The following ALDH18A1 variants were observed in gnomAD, a reference collection of about 807,000 sequenced individuals.
The protein encoded by ALDH18A1 is aldehyde dehydrogenase 18 family member A1, also known as delta-1-pyrroline-5-carboxylate synthase.
A neutral mutation model predicts 88.8 loss-of-function variants in ALDH18A1; 44 were observed. The ratio of observed to expected loss-of-function variants is 0.50; its 90% confidence interval spans 0.39 to 0.64. The LOEUF is 0.64. Among genes scored for constraint, ALDH18A1 ranks in the 30% least tolerant of loss-of-function variants. The pLI is 0.00. For missense variants in ALDH18A1, 782 were observed against 1,009.5 expected (o/e 0.77, Z 3.05); for synonymous variants, 331 against 372.1 (o/e 0.89, Z 1.27).
chr10:95,638,814 C>T (rs1421335792), intron 3 of ALDH18A1, among the ~76,000 whole-genome samples: 3 of 152,176 alleles, frequency 2.0e-5, no homozygotes, highest in Non-Finnish European at 4.4e-5. Flanking sequence ...ATGTCTGAAA[C>T]CTTTTAACTG....
intron 3 of ALDH18A1, among the ~76,000 whole-genome samples, chr10:95,641,431 T>C (rs747205544): frequency 1.1e-4 from 16 of 149,124 alleles, no homozygotes; most frequent in Non-Finnish European, 2.1e-4. Flanking sequence ...TAAATATTTT[T>C]AAAATTTATC....
intron 1 of ALDH18A1, among the ~76,000 whole-genome samples, chr10:95,656,122 G>T (rs1040051403): frequency 6.6e-6 from 1 of 152,140 alleles, no homozygotes; most frequent in Admixed American, 6.5e-5. Flanking sequence ...GGGCCGCGGG[G>T]AACTAGGGAC....
chr10:95,651,399 A>G (rs771035312), intron 2 of ALDH18A1, among the ~76,000 whole-genome samples: 3 of 151,206 alleles, frequency 2.0e-5, no homozygotes, highest in African/African-American at 4.8e-5. Context: ...CTCTGCAAAG[A>G]CAGTTTGACA....
chr10:95,632,406 C>T (rs1368948222), intron 7 of ALDH18A1, among the ~76,000 whole-genome samples: 1 of 152,226 alleles, frequency 6.6e-6, no homozygotes, highest in Non-Finnish European at 1.5e-5. Context: ...CGCTCTGTCA[C>T]CCAGGCTGGA....
At chr10:95,617,264 A>C (rs2097845671) in intron 12 of ALDH18A1, among the ~76,000 whole-genome samples, 1 of 152,232 alleles carries the variant, frequency 6.6e-6, no homozygotes, top group South Asian at 2.1e-4. Context: ...CAAATAAAGC[A>C]AAGAGAACTG....
chr10:95,616,514 G>A lies in ALDH18A1; in HGVS notation c.1568C>T (p.Ala523Val), dbSNP rs529294368. Reference sequence around the variant, plus strand: ...CTCCTTGACTCCATGGATTGAGAGAGCCTCCTGGGTCAGGAGGTGGAGAAT... The same window carrying A: ...CTCCTTGACTCCATGGATTGAGAGAACCTCCTGGGTCAGGAGGTGGAGAAT... Reference protein sequence around the residue: ...NRILHLLTQEALSIHGVKEAV... With the variant: ...NRILHLLTQEVLSIHGVKEAV... The change falls in exon 13 of 18, where the codon GCT becomes GTT. Residue 523 changes from alanine (A) to valine (V), a missense_variant. Around this residue, in one of 3 missense-constraint regions of ALDH18A1, gnomAD observed 556 missense variants for 654.5 expected, o/e 0.85. Coordinates refer to ENST00000371224, the MANE Select transcript of ALDH18A1 (RefSeq NM_002860.4). The A allele has an allele frequency of 2.5e-5, 40 of 1,576,242 alleles. No homozygotes were observed. In the East Asian group the frequency reaches 8.7e-4, roughly 34 times the overall value.
At chr10:95,633,448 T>C (rs1449313740) in intron 6 of ALDH18A1, 43 bp downstream of exon 6, 1 of 1,609,368 alleles carries the variant, frequency 6.2e-7, no homozygotes, top group East Asian at 2.2e-5. Context: ...AGCATGGTGT[T>C]AGTGTCTCCA....
Position 95,606,357 on chromosome 10 carries a change from A to G in ALDH18A1, c.*405T>C. On this transcript the variant is annotated 3_prime_UTR_variant, in exon 18 of 18. Transcript: ENST00000371224. ...TCCTTTTTGAAGATGACTACATGTG[A>G]AAGAAATAAAATGTGAAAAGATTTG... The G allele has an allele frequency of 9.8e-7, 1 of 1,016,322 alleles. No individual in the cohort carries two copies. The highest frequency in any genetic ancestry group is 1.2e-6 in the Non-Finnish European group (1 of 848,092). 63.0% of individuals were successfully genotyped at this position (1,016,322 alleles called of 1,614,324 possible). A position where few individuals can be genotyped will look rare whatever the true frequency, so the allele number is the denominator to read the frequency against.
At chr10:95,637,490 C>T (rs2097883095) in intron 3 of ALDH18A1, 54 bp from the exon 4 acceptor site, 2 of 1,606,186 alleles carry the variant, frequency 1.2e-6, no homozygotes, top group Non-Finnish European at 1.7e-6. Context: ...TCTCTTTCAT[C>T]TCTTCACAAG....
intron 16 of ALDH18A1, 23 bp from the exon 17 acceptor site, chr10:95,610,315 C>T: frequency 6.2e-7 from 1 of 1,610,922 alleles, no homozygotes; most frequent in Admixed American, 1.7e-5. Flanking sequence ...GAAGGAGAAA[C>T]CAAGTTAGGA....
chr10:95,631,645 A>G (rs1438704396), intron 7 of ALDH18A1, among the ~76,000 whole-genome samples: 3 of 146,070 alleles, frequency 2.1e-5, no homozygotes, highest in African/African-American at 7.5e-5. Context: ...CGGGAGGCTG[A>G]GGCAGGAGAA....
intron 7 of ALDH18A1, among the ~76,000 whole-genome samples, chr10:95,630,407 A>T (rs2139599852): frequency 6.6e-6 from 1 of 152,374 alleles, no homozygotes; most frequent in Non-Finnish European, 1.5e-5. Context: ...CTCATGCTAG[A>T]AATTCAATAA....
intron 17 of ALDH18A1, among the ~76,000 whole-genome samples, chr10:95,607,960 T>C (rs530593427): frequency 1.2e-4 from 19 of 152,312 alleles, no homozygotes; most frequent in African/African-American, 4.3e-4. Context: ...TCTGGTTCAA[T>C]AGCATACAGA....
At position 95,642,258 on chromosome 10, in the gene ALDH18A1, A is replaced by C. The variant is rs2097893138; in HGVS notation, c.303+734T>G. Among the ~76,000 whole-genome samples the C allele has an allele frequency of 2.0e-5, 3 of 152,274 alleles. No homozygotes were observed. The South Asian group carries it at 6.2e-4, about 32-fold the overall frequency. ...GGCCACGCTCATTCATTTATATATT[A>C]TCTATGGTTGCTTCTGCAGAGCTGT... On this transcript the variant is annotated intron_variant, in intron 3 of 17. Coordinates refer to ENST00000371224, the MANE Select transcript of ALDH18A1 (RefSeq NM_002860.4).
At chr10:95,627,335 C>T in intron 9 of ALDH18A1, 107 bp downstream of exon 9, 1 of 1,475,982 alleles carries the variant, frequency 6.8e-7, no homozygotes, top group South Asian at 1.2e-5. Flanking sequence ...GCGTTCAAAA[C>T]AATGCCATAT....
At chr10:95,619,282 TAA>T (rs2097848534) in intron 12 of ALDH18A1, among the ~76,000 whole-genome samples, 1 of 151,984 alleles carries the variant, frequency 6.6e-6, no homozygotes, top group South Asian at 2.1e-4. Context: ...CTCCACGAAA[TAA>T]AAGAGGACAC....
At chr10:95,628,903 G>GT (rs761679135) in intron 7 of ALDH18A1, 126 of 249,756 alleles carry the variant, frequency 5.0e-4, no homozygotes, top group Admixed American at 1.7e-3. Context: ...TAATGTGACT[G>GT]TTTCCAAGCA....
chr10:95,621,631 T>C (rs935048334), intron 11 of ALDH18A1, among the ~76,000 whole-genome samples: 3 of 151,956 alleles, frequency 2.0e-5, no homozygotes, highest in African/African-American at 7.3e-5. Context: ...TGTCTTGATG[T>C]TTTACTGAAC....
intron 2 of ALDH18A1, among the ~76,000 whole-genome samples, 179 bp from the exon 3 acceptor site, chr10:95,643,385 T>C (rs1292998110): frequency 6.6e-6 from 1 of 152,228 alleles, no homozygotes; most frequent in African/African-American, 2.4e-5. Context: ...TATTTTAGTA[T>C]TGTATGGAGT....
Sources: allele counts gnomAD v4.1 joint callset (sites outside exome capture counted in the v4.1 genomes callset), GRCh38; gene constraint gnomAD v4.1.1; regional missense constraint gnomAD v4.1.1; transcripts MANE v1.5; gene names NCBI Gene and HGNC (gene_info 2026-07-23, HGNC 2026-07-21).